The following HHAT variants were observed in gnomAD, a reference collection of about 807,000 sequenced individuals.
HHAT encodes the protein protein-cysteine N-palmitoyltransferase HHAT.
A neutral mutation model predicts 70.8 loss-of-function variants in HHAT; 47 were observed. That is an observed-to-expected ratio of 0.66 (90% CI 0.53 to 0.85). The LOEUF is 0.85. Among genes scored for constraint, HHAT ranks in the 40% least tolerant of loss-of-function variants. The probability of loss-of-function intolerance (pLI) is 0.00; values close to 1 mark genes in which losing one functional copy is unlikely to be tolerated. For missense variants in HHAT, 609 were observed against 604.8 expected, an observed-to-expected ratio of 1.01 and a Z score of -0.07; for synonymous variants, 228 against 247.6, an observed-to-expected ratio of 0.92 and a Z score of 0.74.
At chr1:210,532,336 T>C (rs2095323665) in intron 9 of HHAT, among the ~76,000 whole-genome samples, 1 of 152,238 alleles carries the variant, frequency 6.6e-6, no homozygotes, top group Non-Finnish European at 1.5e-5. Flanking sequence ...CTCCCTGTGC[T>C]ACTGAGAGGA....
intron 6 of HHAT, among the ~76,000 whole-genome samples, chr1:210,417,268 T>C (rs1323750766): frequency 2.0e-5 from 3 of 152,244 alleles, no homozygotes; most frequent in African/African-American, 7.2e-5. Context: ...AGTCTTGCTC[T>C]GTCACCCAGG....
intron 9 of HHAT, among the ~76,000 whole-genome samples, chr1:210,557,470 C>T (rs780772375): frequency 3.3e-5 from 5 of 152,100 alleles, no homozygotes; most frequent in African/African-American, 4.8e-5. Context: ...GGTGGTGAAT[C>T]AGGCCAGTTA....
intron 3 of HHAT, 128 bp from the exon 4 acceptor site, chr1:210,387,340 G>C: frequency 1.4e-6 from 1 of 731,366 alleles, no homozygotes; most frequent in Non-Finnish European, 2.3e-6. Flanking sequence ...AAGGCTAGAA[G>C]TGTGTAAATC....
At chr1:210,349,265 G>A (rs1348387237) in intron 2 of HHAT, among the ~76,000 whole-genome samples, 199 bp downstream of exon 2, 2 of 152,150 alleles carry the variant, frequency 1.3e-5, no homozygotes. Context: ...GGTCTTTTAG[G>A]TGATGCTGTG....
At chr1:210,364,644 G>A (rs557889083) in intron 3 of HHAT, among the ~76,000 whole-genome samples, 4 of 152,212 alleles carry the variant, frequency 2.6e-5, no homozygotes, top group South Asian at 2.1e-4. Context: ...CCAGCCATGC[G>A]TTGCTACTTC....
At chr1:210,507,667 A>G (rs967302038) in intron 8 of HHAT, among the ~76,000 whole-genome samples, 6 of 151,990 alleles carry the variant, frequency 3.9e-5, no homozygotes, top group Admixed American at 6.6e-5. Flanking sequence ...CCATGAGAAT[A>G]TATTTCTAGA....
intron 3 of HHAT, among the ~76,000 whole-genome samples, chr1:210,375,561 C>A (rs1367241342): frequency 1.3e-5 from 2 of 149,470 alleles, no homozygotes; most frequent in Non-Finnish European, 3.0e-5. Flanking sequence ...TCTAGCAATC[C>A]ATTCTGCCAA....
chr1:210,510,785 A>G (rs1290052706), intron 8 of HHAT, among the ~76,000 whole-genome samples: 1 of 152,206 alleles, frequency 6.6e-6, no homozygotes, highest in Non-Finnish European at 1.5e-5. Context: ...ATTCTAAACA[A>G]TAAATATAAT....
chr1:210,391,810 A>T (rs2091476490), intron 4 of HHAT, among the ~76,000 whole-genome samples: 1 of 152,200 alleles, frequency 6.6e-6, no homozygotes, highest in African/African-American at 2.4e-5. Context: ...ACTACTTAGT[A>T]ACACATTATA....
At chr1:210,588,582 A>T (rs941353932) in intron 10 of HHAT, 1 of 153,738 alleles carries the variant, frequency 6.5e-6, no homozygotes, top group African/African-American at 2.4e-5. Context: ...TTAGTCTCCT[A>T]TTATTAGTAA....
At chr1:210,443,120 GT>G (rs2093559780) in intron 7 of HHAT, among the ~76,000 whole-genome samples, 1 of 152,010 alleles carries the variant, frequency 6.6e-6, no homozygotes. Context: ...CCCATTGCTT[GT>G]TTTTCTCAGG....
chr1:210,464,069 C>T (rs572805924), intron 7 of HHAT, among the ~76,000 whole-genome samples: 4 of 152,050 alleles, frequency 2.6e-5, no homozygotes, highest in Non-Finnish European at 4.4e-5. Context: ...TTGTATTCTT[C>T]TAGTTATTTT....
chr1:210,394,511 T>C (rs2091667238), intron 4 of HHAT, among the ~76,000 whole-genome samples: 1 of 152,130 alleles, frequency 6.6e-6, no homozygotes, highest in South Asian at 2.1e-4. Context: ...TGAGACATTG[T>C]GTTCTCTGCC....
At chr1:210,460,781 G>A (rs992393238) in intron 7 of HHAT, among the ~76,000 whole-genome samples, 1 of 152,132 alleles carries the variant, frequency 6.6e-6, no homozygotes, top group Non-Finnish European at 1.5e-5. Context: ...ATACTGTGTG[G>A]TAAAAGAGAA....
At chr1:210,542,880 A>G (rs2095444825) in intron 9 of HHAT, among the ~76,000 whole-genome samples, 1 of 152,170 alleles carries the variant, frequency 6.6e-6, no homozygotes, top group Non-Finnish European at 1.5e-5. Flanking sequence ...ATATGGATAT[A>G]TTTATGTGTC....
chr1:210,439,189 G>A (rs933901747), intron 7 of HHAT, among the ~76,000 whole-genome samples: 2 of 151,854 alleles, frequency 1.3e-5, no homozygotes, highest in African/African-American at 4.9e-5. Flanking sequence ...TGAGACGCTT[G>A]TGCTCCCCTC....
At chr1:210,613,754 A>T (rs567028888) in intron 10 of HHAT, among the ~76,000 whole-genome samples, 1 of 152,298 alleles carries the variant, frequency 6.6e-6, no homozygotes, top group Admixed American at 6.5e-5. Context: ...GCAGTGGCTC[A>T]TGCCTATAAT....
intron 8 of HHAT, among the ~76,000 whole-genome samples, chr1:210,478,978 G>A (rs1369421899): frequency 1.3e-5 from 2 of 150,250 alleles, no homozygotes; most frequent in Non-Finnish European, 3.0e-5. Flanking sequence ...ACCCGTGTGG[G>A]CTTAAAGTGT....
chr1:210,558,757 G>A (rs2095595524), intron 9 of HHAT, among the ~76,000 whole-genome samples: 1 of 152,116 alleles, frequency 6.6e-6, no homozygotes, highest in Admixed American at 6.5e-5. Context: ...AAAGGCTTTT[G>A]AGCCATTCAG....
Sources: gnomAD v4.1 joint callset for allele counts (sites outside exome capture counted in the v4.1 genomes callset) on GRCh38, gnomAD v4.1.1 for gene constraint, MANE v1.5 for transcripts, NCBI Gene and HGNC (gene_info 2026-07-23, HGNC 2026-07-21) for gene names.